Variants in USH2A observed in about 807,000 individuals in gnomAD.
The protein encoded by USH2A is usherin.
USH2A carries 443 observed loss-of-function variants against 538.9 expected under a neutral mutation model. The ratio of observed to expected loss-of-function variants is 0.82; its 90% confidence interval spans 0.76 to 0.89. The LOEUF (loss-of-function observed/expected upper bound fraction) is 0.89. Ranked by LOEUF, USH2A falls within the 40% of genes least tolerant of loss-of-function variation. USH2A has a pLI of 0.00. For synonymous variants in USH2A, 2,413 were observed against 2,273.5 expected (o/e 1.06, Z -1.75); for missense variants, 6,633 against 6,324.8 (o/e 1.05, Z -1.65).
At chr1:216,327,850 T>C (rs111459477) in intron 4 of USH2A, among the ~76,000 whole-genome samples, 196 bp from the exon 5 acceptor site, 2 of 152,200 alleles carry the variant, frequency 1.3e-5, no homozygotes, top group South Asian at 2.1e-4. Context: ...GTTATCTCCA[T>C]GGACACTGTA....
chr1:215,839,129 T>C (rs1663606816), intron 46 of USH2A, among the ~76,000 whole-genome samples: 1 of 152,170 alleles, frequency 6.6e-6, no homozygotes, highest in Non-Finnish European at 1.5e-5. Context: ...ATATAGTCTT[T>C]TGAGGTATTA....
chr1:215,787,655 C>T (rs181829066), intron 51 of USH2A, among the ~76,000 whole-genome samples: 175 of 152,238 alleles, frequency 1.1e-3, no homozygotes, highest in African/African-American at 3.4e-3. Flanking sequence ...ATTTAGAATA[C>T]TTTTTGCTAT....
At chr1:216,220,739 C>G (rs1273027746) in intron 14 of USH2A, among the ~76,000 whole-genome samples, 1 of 151,712 alleles carries the variant, frequency 6.6e-6, no homozygotes, top group Non-Finnish European at 1.5e-5. Context: ...GGGGCAGTGG[C>G]AAGGAGCAAT....
chr1:216,313,118 C>T (rs1449202916), intron 9 of USH2A, among the ~76,000 whole-genome samples: 1 of 152,154 alleles, frequency 6.6e-6, no homozygotes, highest in Non-Finnish European at 1.5e-5. Flanking sequence ...CAGGAATTCT[C>T]AGAAGGAGTG....
intron 38 of USH2A, among the ~76,000 whole-genome samples, chr1:215,925,929 A>T (rs568959776): frequency 6.6e-6 from 1 of 152,286 alleles, no homozygotes; most frequent in South Asian, 2.1e-4. Flanking sequence ...GCATCTTGAC[A>T]TTGTACTAAG....
At chr1:216,233,880 A>G (rs2035752958) in intron 13 of USH2A, among the ~76,000 whole-genome samples, 2 of 152,240 alleles carry the variant, frequency 1.3e-5, no homozygotes, top group Middle Eastern at 3.4e-3. Flanking sequence ...ATGTATGTGT[A>G]CATATACATA....
At chr1:216,018,010 C>T (rs915471775) in intron 32 of USH2A, among the ~76,000 whole-genome samples, 3 of 151,152 alleles carry the variant, frequency 2.0e-5, no homozygotes, top group Non-Finnish European at 4.4e-5. Flanking sequence ...AAATCAAATG[C>T]CACACCCTAT....
chr1:216,060,399 G>C (rs1052043117), intron 30 of USH2A, among the ~76,000 whole-genome samples: 1 of 151,950 alleles, frequency 6.6e-6, no homozygotes, highest in Non-Finnish European at 1.5e-5. Context: ...ACTTCATTCA[G>C]GTAAAAAAAT....
intron 23 of USH2A, among the ~76,000 whole-genome samples, chr1:216,088,534 T>G (rs1241750871): frequency 6.6e-6 from 1 of 152,204 alleles, no homozygotes; most frequent in Non-Finnish European, 1.5e-5. Flanking sequence ...TACATAAATG[T>G]GGCAGATAGG....
At position 216,213,618 on chromosome 1, in the gene USH2A, G is replaced by T. The variant is rs149659633; in HGVS notation, c.3157+3769C>A. ...TTATTTCATGGATCTAAATGTAAAT[G>T]TTTAAGTATAAAACTGTAAGATAAA... is the stretch of plus-strand genomic sequence containing the variant. On this transcript the variant is annotated intron_variant, in intron 15 of 71. Transcript: ENST00000307340. 4.1e-3 allele frequency among the ~76,000 whole-genome samples: 626 copies of T among 151,734 alleles called. 2 individuals are homozygous for T. The highest frequency in any genetic ancestry group is 6.6e-3 in the Non-Finnish European group (449 of 67,802).
intron 38 of USH2A, among the ~76,000 whole-genome samples, chr1:215,926,462 G>A (rs552259481): frequency 6.6e-6 from 1 of 152,078 alleles, no homozygotes; most frequent in South Asian, 2.1e-4. Flanking sequence ...TTCTTTTAAG[G>A]CAGAGCTGTG....
At chr1:215,870,287 A>AT (rs754723581) in intron 43 of USH2A, among the ~76,000 whole-genome samples, 2,285 of 145,272 alleles carry the variant, frequency 0.016, 46 homozygotes, top group African/African-American at 0.055. Flanking sequence ...TTTATTTTTT[A>AT]TTTTTTTTTT....
At chr1:215,669,628 A>T (rs183944311) in intron 64 of USH2A, among the ~76,000 whole-genome samples, 6 of 152,188 alleles carry the variant, frequency 3.9e-5, no homozygotes, top group Non-Finnish European at 8.8e-5. Flanking sequence ...GTCTGTTTAG[A>T]TTGGGTTTTG....
intron 11 of USH2A, among the ~76,000 whole-genome samples, chr1:216,284,170 G>C (rs2036837869): frequency 6.6e-6 from 1 of 151,784 alleles, no homozygotes; most frequent in Non-Finnish European, 1.5e-5. Flanking sequence ...AATTATTTCT[G>C]TTTCCAAAGA....
intron 21 of USH2A, among the ~76,000 whole-genome samples, chr1:216,150,516 C>T (rs896670357): frequency 2.0e-5 from 3 of 152,076 alleles, no homozygotes; most frequent in Non-Finnish European, 4.4e-5. Context: ...CTTCCAGTGC[C>T]TACACAGCTG....
chr1:215,671,166 C>G lies in USH2A; in HGVS notation c.13939G>C (p.Gly4647Arg), dbSNP rs144524302. The G allele has an allele frequency of 4.1e-5, 66 of 1,614,096 alleles. No individual in the cohort carries two copies. In the East Asian group the frequency reaches 1.4e-3, roughly 35 times the overall value. The change falls in exon 64 of 72, where the codon GGA becomes CGA. Residue 4647 changes from glycine to arginine, a missense_variant. Coordinates refer to ENST00000307340, the MANE Select transcript of USH2A (RefSeq NM_206933.4). ...AGAGAAACAGTTGGCTGGAATCCTC[C>G]TGGAGCCATTTGTACCTCCAGATGT... ...PPHLEVQMAP[G>R]GFQPTVSLLW...
chr1:215,980,605 GAGGACTT>G (rs1667728571), intron 35 of USH2A, among the ~76,000 whole-genome samples: 1 of 152,080 alleles, frequency 6.6e-6, no homozygotes, highest in Non-Finnish European at 1.5e-5. Flanking sequence ...AGATAAATAT[GAGGACTT>G]TTGAAGAACC....
chr1:216,158,024 C>G (rs1306656940), intron 21 of USH2A, among the ~76,000 whole-genome samples: 1 of 152,134 alleles, frequency 6.6e-6, no homozygotes, highest in African/African-American at 2.4e-5. Flanking sequence ...CTTTTACTCA[C>G]TAACAGGTTA....
chr1:216,163,335 T>A (rs942004801), intron 21 of USH2A, among the ~76,000 whole-genome samples: 1 of 152,044 alleles, frequency 6.6e-6, no homozygotes. Context: ...TTATTGATAA[T>A]ATTAATTATA....
Sources: gnomAD v4.1 joint callset for allele counts (sites outside exome capture counted in the v4.1 genomes callset) on GRCh38, gnomAD v4.1.1 for gene constraint, MANE v1.5 for transcripts, NCBI Gene and HGNC (gene_info 2026-07-23, HGNC 2026-07-21) for gene names.